The following WARS2 variants were observed in gnomAD, a reference collection of about 807,000 sequenced individuals.
The protein encoded by WARS2 is tryptophan--tRNA ligase, mitochondrial.
WARS2 carries 28 observed loss-of-function variants against 36.5 expected under a neutral mutation model. That is an observed-to-expected ratio of 0.77 (90% CI 0.57 to 1.05). The LOEUF is 1.05. Among genes scored for constraint, WARS2 ranks in the 50% least tolerant of loss-of-function variants. The probability of loss-of-function intolerance (pLI) is 0.00; values close to 1 mark genes in which losing one functional copy is unlikely to be tolerated. For synonymous variants in WARS2, 174 were observed against 178.4 expected (o/e 0.98, Z 0.20); for missense variants, 435 against 456.8 (o/e 0.95, Z 0.44).
chr1:119,036,771 A>G (rs1571253334), intron 4 of WARS2, among the ~76,000 whole-genome samples: 1 of 152,284 alleles, frequency 6.6e-6, no homozygotes, highest in East Asian at 1.9e-4. Context: ...TTTTTTAACA[A>G]TTCTGTGGGG....
At chr1:119,122,679 C>T (rs916050445) in intron 1 of WARS2, among the ~76,000 whole-genome samples, 19 of 152,022 alleles carry the variant, frequency 1.2e-4, no homozygotes, top group East Asian at 9.6e-4. Context: ...GAAAGTGTGG[C>T]ATATATACCA....
chr1:119,111,688 T>G (rs2101501773), intron 1 of WARS2, among the ~76,000 whole-genome samples: 1 of 152,262 alleles, frequency 6.6e-6, no homozygotes, highest in African/African-American at 2.4e-5. Context: ...CCCCTCATAT[T>G]TTCAGCTGTC....
intron 1 of WARS2, among the ~76,000 whole-genome samples, chr1:119,110,975 A>G (rs1451802944): frequency 6.6e-6 from 1 of 152,134 alleles, no homozygotes; most frequent in Non-Finnish European, 1.5e-5. Flanking sequence ...TTTGATCTCT[A>G]GCATTTTAAA....
intron 1 of WARS2, among the ~76,000 whole-genome samples, chr1:119,113,433 G>A (rs1274544988): frequency 6.6e-6 from 1 of 152,144 alleles, no homozygotes; most frequent in Non-Finnish European, 1.5e-5. Context: ...TTTGGCTTCC[G>A]TTGTAGCAGA....
chr1:119,056,909 T>C (rs980070879), intron 2 of WARS2, among the ~76,000 whole-genome samples: 5 of 152,184 alleles, frequency 3.3e-5, no homozygotes, highest in Non-Finnish European at 7.3e-5. Flanking sequence ...GTAGAATTGC[T>C]GGGTCACGTG....
chr1:119,137,362 A>G (rs971261019), intron 1 of WARS2, among the ~76,000 whole-genome samples: 2 of 152,184 alleles, frequency 1.3e-5, no homozygotes, highest in African/African-American at 4.8e-5. Flanking sequence ...TTTAGGCGTA[A>G]TTCTTCATCT....
chr1:119,116,918 T>A (rs755221563), intron 1 of WARS2, among the ~76,000 whole-genome samples: 10 of 152,098 alleles, frequency 6.6e-5, no homozygotes, highest in Non-Finnish European at 1.5e-4. Flanking sequence ...TAGAGAGGAA[T>A]GAACAGGAAG....
chr1:119,075,532 T>C (rs587610874), intron 2 of WARS2, among the ~76,000 whole-genome samples: 2 of 152,316 alleles, frequency 1.3e-5, no homozygotes, highest in African/African-American at 4.8e-5. Context: ...ACAAAACATA[T>C]ATAAAAATAA....
intron 3 of WARS2, among the ~76,000 whole-genome samples, chr1:119,044,453 T>A (rs1648626071): frequency 6.6e-6 from 1 of 152,232 alleles, no homozygotes; most frequent in Non-Finnish European, 1.5e-5. Context: ...CAGATAACAT[T>A]ATGAAACTTT....
intron 1 of WARS2, among the ~76,000 whole-genome samples, chr1:119,134,453 G>A (rs1479490701): frequency 6.6e-6 from 1 of 151,966 alleles, no homozygotes; most frequent in Non-Finnish European, 1.5e-5. Context: ...AGACTGTGTG[G>A]CAAGAAAAAA....
intron 2 of WARS2, among the ~76,000 whole-genome samples, chr1:119,055,297 A>G (rs774851695): frequency 3.9e-4 from 60 of 152,258 alleles, no homozygotes; most frequent in South Asian, 1.7e-3. Flanking sequence ...AGAATTAGAG[A>G]GAAACGAAAT....
At chr1:119,137,260 T>G (rs1324370499) in intron 1 of WARS2, among the ~76,000 whole-genome samples, 4 of 152,212 alleles carry the variant, frequency 2.6e-5, no homozygotes, top group African/African-American at 7.2e-5. Flanking sequence ...TTTGCAACTC[T>G]GTAAATCTAA....
intron 1 of WARS2, among the ~76,000 whole-genome samples, chr1:119,078,363 T>C (rs1315653989): frequency 6.6e-6 from 1 of 152,140 alleles, no homozygotes; most frequent in African/African-American, 2.4e-5. Flanking sequence ...TATCTAGGAG[T>C]AGAATTGCCG....
intron 1 of WARS2, among the ~76,000 whole-genome samples, chr1:119,120,527 G>A (rs587740533): frequency 4.5e-4 from 68 of 152,106 alleles, no homozygotes; most frequent in African/African-American, 1.6e-3. Flanking sequence ...GATAAAGATG[G>A]AATCCTCCCT....
chr1:119,076,746 G>T, intron 1 of WARS2, 139 bp from the exon 2 acceptor site: 1 of 1,310,352 alleles, frequency 7.6e-7, no homozygotes, highest in Non-Finnish European at 1.0e-6. Flanking sequence ...TTTATTTTGT[G>T]CCTACACTGT....
chr1:119,116,320 A>T (rs1654968154), intron 1 of WARS2, among the ~76,000 whole-genome samples: 1 of 152,216 alleles, frequency 6.6e-6, no homozygotes, highest in Admixed American at 6.5e-5. Flanking sequence ...CCGTAAAACA[A>T]AGATAAGTCA....
At chr1:119,089,795 A>G (rs1283565671) in intron 1 of WARS2, among the ~76,000 whole-genome samples, 1 of 152,236 alleles carries the variant, frequency 6.6e-6, no homozygotes, top group African/African-American at 2.4e-5. Flanking sequence ...CTATGCAGCC[A>G]TAGAAAGGAA....
At chr1:119,047,356 G>C (rs1231946363) in intron 2 of WARS2, 1 of 152,196 alleles carries the variant, frequency 6.6e-6, no homozygotes, top group African/African-American at 2.4e-5. Context: ...TATGTGGAAG[G>C]AGACAAGATG....
intron 2 of WARS2, among the ~76,000 whole-genome samples, chr1:119,070,850 C>A (rs1471228216): frequency 6.6e-6 from 1 of 152,048 alleles, no homozygotes; most frequent in Non-Finnish European, 1.5e-5. Context: ...GAAGACTATA[C>A]AGATTGATCA....
Sources: allele counts gnomAD v4.1 joint callset (sites outside exome capture counted in the v4.1 genomes callset), GRCh38; gene constraint gnomAD v4.1.1; transcripts MANE v1.5; gene names NCBI Gene and HGNC (gene_info 2026-07-23, HGNC 2026-07-21).